Variants in ADAMTS19 observed in about 807,000 individuals in gnomAD.
ADAMTS19 encodes the protein A disintegrin and metalloproteinase with thrombospondin motifs 19.
ADAMTS19 carries 93 observed loss-of-function variants against 153.3 expected under a neutral mutation model. The observed-to-expected ratio is 0.61, with a 90% CI of 0.51 to 0.72. The LOEUF is 0.72. Among genes scored for constraint, ADAMTS19 ranks in the 30% least tolerant of loss-of-function variants. The pLI is 0.00. For synonymous variants in ADAMTS19, 600 were observed against 556.6 expected (o/e 1.08, Z -1.10); for missense variants, 1,482 against 1,552.1 (o/e 0.95, Z 0.76).
intron 3 of ADAMTS19, among the ~76,000 whole-genome samples, chr5:129,521,642 C>T (rs962171465): frequency 6.6e-6 from 1 of 152,098 alleles, no homozygotes; most frequent in Non-Finnish European, 1.5e-5. Context: ...CTCTATACTT[C>T]GTCTAGCTTC....
chr5:129,660,423 A>G lies in ADAMTS19; in HGVS notation c.2425+1686A>G, dbSNP rs149365643. On this transcript the variant is annotated intron_variant, in intron 15 of 22. Transcript: ENST00000274487. Reference sequence around the variant, plus strand: ...GAAATTCAAAAAAATTTGGAAGACTAAAGAAATTTAAGCATATTAGAGTTT... The same window carrying G: ...GAAATTCAAAAAAATTTGGAAGACTGAAGAAATTTAAGCATATTAGAGTTT... 2.3e-4 allele frequency among the ~76,000 whole-genome samples: 35 copies of G among 152,228 alleles called. No individual in the cohort carries two copies. In the East Asian group the frequency reaches 6.2e-3, roughly 27 times the overall value.
chr5:129,506,437 GTT>G (rs111482528), intron 2 of ADAMTS19, among the ~76,000 whole-genome samples: 3 of 148,468 alleles, frequency 2.0e-5, no homozygotes, highest in African/African-American at 7.4e-5. Context: ...TAGCTTTCTT[GTT>G]TTTTTTTTAT....
intron 11 of ADAMTS19, 142 bp from the exon 12 acceptor site, chr5:129,647,623 C>T (rs752415529): frequency 5.4e-6 from 5 of 932,906 alleles, no homozygotes; most frequent in Non-Finnish European, 7.8e-6. Flanking sequence ...CAAGTGCCAA[C>T]TTATTTTTGG....
intron 16 of ADAMTS19, among the ~76,000 whole-genome samples, chr5:129,677,125 A>G (rs1754585350): frequency 6.6e-6 from 1 of 152,214 alleles, no homozygotes; most frequent in African/African-American, 2.4e-5. Flanking sequence ...TCAATTTAGC[A>G]TGATCAAAAT....
intron 2 of ADAMTS19, among the ~76,000 whole-genome samples, chr5:129,501,766 A>T (rs1022727305): frequency 3.3e-5 from 5 of 152,134 alleles, no homozygotes; most frequent in African/African-American, 9.7e-5. Context: ...AGATTAAATG[A>T]AATAATGCAT....
At chr5:129,716,187 A>T (rs1756720598) in intron 21 of ADAMTS19, among the ~76,000 whole-genome samples, 2 of 151,508 alleles carry the variant, frequency 1.3e-5, no homozygotes, top group South Asian at 4.2e-4. Context: ...ATTTTTATTT[A>T]TTTTTTTTGT....
At chr5:129,530,522 C>G (rs918325647) in intron 6 of ADAMTS19, among the ~76,000 whole-genome samples, 2 of 152,120 alleles carry the variant, frequency 1.3e-5, no homozygotes, top group Non-Finnish European at 2.9e-5. Context: ...AAATAAATGA[C>G]TGACTTCACA....
intron 7 of ADAMTS19, among the ~76,000 whole-genome samples, chr5:129,591,239 T>C (rs1362791615): frequency 6.6e-6 from 1 of 152,196 alleles, no homozygotes; most frequent in Non-Finnish European, 1.5e-5. Flanking sequence ...TAATATCTTA[T>C]GTACATCTTT....
At chr5:129,658,582 G>A in intron 14 of ADAMTS19, 35 bp from the exon 15 acceptor site, 1 of 1,603,528 alleles carries the variant, frequency 6.2e-7, no homozygotes, top group African/African-American at 1.3e-5. Flanking sequence ...AAAGAATACT[G>A]CTATTTATGA....
intron 16 of ADAMTS19, among the ~76,000 whole-genome samples, chr5:129,666,547 T>A (rs938541340): frequency 2.0e-5 from 3 of 152,160 alleles, no homozygotes; most frequent in Non-Finnish European, 4.4e-5. Flanking sequence ...AAATACATAA[T>A]CTAAACTCAG....
At chr5:129,576,816 T>G (rs1038528118) in intron 7 of ADAMTS19, among the ~76,000 whole-genome samples, 3 of 152,100 alleles carry the variant, frequency 2.0e-5, no homozygotes, top group Non-Finnish European at 4.4e-5. Flanking sequence ...GAGTGCAACT[T>G]AAGCATATTG....
chr5:129,736,827 G>A (rs1467251160), intron 22 of ADAMTS19, among the ~76,000 whole-genome samples: 3 of 151,894 alleles, frequency 2.0e-5, no homozygotes, highest in Admixed American at 6.6e-5. Flanking sequence ...CATTGAACCT[G>A]GGAATTATAT....
chr5:129,460,649 AGCACACTTCT>A (rs1212346867), intron 1 of ADAMTS19, 167 bp downstream of exon 1: 1 of 696,768 alleles, frequency 1.4e-6, no homozygotes, highest in Non-Finnish European at 2.5e-6. Flanking sequence ...TCGGAAATGA[AGCACACTTCT>A]GCCGGCCTCG....
intron 21 of ADAMTS19, among the ~76,000 whole-genome samples, chr5:129,731,685 G>A (rs571346980): frequency 2.6e-5 from 4 of 152,070 alleles, no homozygotes; most frequent in East Asian, 1.9e-4. Context: ...AATGATGATC[G>A]TAAAGGAAGA....
At chr5:129,489,327 T>C (rs1436246534) in intron 2 of ADAMTS19, among the ~76,000 whole-genome samples, 1 of 152,040 alleles carries the variant, frequency 6.6e-6, no homozygotes, top group Non-Finnish European at 1.5e-5. Context: ...ATAAGAAAAA[T>C]AAAGACCAAT....
chr5:129,526,075 T>A (rs149806937), intron 3 of ADAMTS19, among the ~76,000 whole-genome samples: 1 of 152,036 alleles, frequency 6.6e-6, no homozygotes, highest in Non-Finnish European at 1.5e-5. Context: ...TCAGGCTGAC[T>A]GAGTGATGTT....
At position 129,461,260 on chromosome 5, in the gene ADAMTS19, G is replaced by A. The variant is rs939152010; in HGVS notation, c.250G>A (p.Gly84Ser). The A allele has an allele frequency of 2.4e-6, 3 of 1,263,456 alleles. No homozygotes were observed. The highest frequency in any genetic ancestry group is 3.0e-6 in the Non-Finnish European group (3 of 1,009,990). 78.3% of individuals were successfully genotyped at this position (1,263,456 alleles called of 1,614,324 possible). ...GGGSARAQAAGSSREVRSVAP... is the reference protein window; with the variant it reads ...GGGSARAQAASSSREVRSVAP... ...CGGAAGCGCCCGGGCGCAGGCTGCCGGCAGCTCACGCGAGGTGCGCTCTGT... is the reference window on the plus strand; with the variant it reads ...CGGAAGCGCCCGGGCGCAGGCTGCCAGCAGCTCACGCGAGGTGCGCTCTGT... The change falls in exon 2 of 23, where the codon GGC becomes AGC. Residue 84 changes from glycine (G) to serine (S), a missense_variant. Physicochemically the swap from Gly to Ser is moderately conservative, Grantham distance 56. Around this residue, in one of 2 missense-constraint regions of ADAMTS19, gnomAD observed 866 missense variants for 827.7 expected, o/e 1.05. Coordinates refer to ENST00000274487, the MANE Select transcript of ADAMTS19 (RefSeq NM_133638.6). The surrounding 1 kb of genome is among the most constrained non-coding windows in gnomAD (Gnocchi z 4.6).
chr5:129,502,110 C>A (rs1022756729), intron 2 of ADAMTS19, among the ~76,000 whole-genome samples: 1 of 151,968 alleles, frequency 6.6e-6, no homozygotes, highest in African/African-American at 2.4e-5. Flanking sequence ...TGATCAAAAA[C>A]CAGCCTTGGG....
intron 8 of ADAMTS19, among the ~76,000 whole-genome samples, chr5:129,602,034 G>A (rs907459695): frequency 1.3e-5 from 2 of 152,182 alleles, no homozygotes; most frequent in Non-Finnish European, 2.9e-5. Context: ...TAGTTCTTTG[G>A]AATGTGCAGA....
Sources: gnomAD v4.1 joint callset for allele counts (sites outside exome capture counted in the v4.1 genomes callset) on GRCh38, gnomAD v4.1.1 for gene constraint, gnomAD v4.1.1 regional missense constraint, Gnocchi (gnomAD v3.1) non-coding constraint, MANE v1.5 for transcripts, NCBI Gene and HGNC (gene_info 2026-07-23, HGNC 2026-07-21) for gene names.